Variants in SPAG9 observed in about 807,000 individuals in gnomAD.
SPAG9 encodes C-Jun-amino-terminal kinase-interacting protein 4.
Under a neutral mutation model 166.5 loss-of-function variants are expected in SPAG9, and 35 were observed. That is an observed-to-expected ratio of 0.21 (90% CI 0.16 to 0.28). SPAG9 has a LOEUF of 0.28. SPAG9 is among the 10% of genes least tolerant of loss of function. The pLI, the probability that SPAG9 is intolerant of heterozygous loss-of-function variation, is 1.00. For missense variants in SPAG9, 1,235 were observed against 1,603.3 expected, an observed-to-expected ratio of 0.77 and a Z score of 3.92; for synonymous variants, 534 against 565.5, an observed-to-expected ratio of 0.94 and a Z score of 0.79.
chr17:51,014,179 T>C, intron 9 of SPAG9, 53 bp downstream of exon 9: 1 of 1,522,046 alleles, frequency 6.6e-7, no homozygotes, highest in Non-Finnish European at 8.9e-7. Context: ...TTAAATCATT[T>C]AAAAAATCAA....
At chr17:51,021,899 C>A (rs1302229438) in intron 6 of SPAG9, among the ~76,000 whole-genome samples, 1 of 151,912 alleles carries the variant, frequency 6.6e-6, no homozygotes, top group African/African-American at 2.4e-5. Flanking sequence ...CCGAGGCAGG[C>A]GGATCACGAG....
At chr17:50,971,459 CTTTTTTTTTTT>C (rs71353691) in intron 28 of SPAG9, among the ~76,000 whole-genome samples, 2 of 89,872 alleles carry the variant, frequency 2.2e-5, no homozygotes, top group African/African-American at 4.6e-5. Context: ...TTCAAACTAC[CTTTTTTTTTTT>C]TTTTTTTTTT....
At chr17:51,020,322 C>T in intron 7 of SPAG9, 64 bp from the exon 8 acceptor site, 1 of 1,147,060 alleles carries the variant, frequency 8.7e-7, no homozygotes, top group Admixed American at 2.0e-5. Flanking sequence ...TATAAAAATC[C>T]TGTTGTTTTT....
At chr17:51,054,116 C>CTT (rs1157639358) in intron 3 of SPAG9, among the ~76,000 whole-genome samples, 1,099 of 73,932 alleles carry the variant, frequency 0.015, 16 homozygotes, top group East Asian at 0.064. Flanking sequence ...AATGTGAGGG[C>CTT]TTTTTTTTTT....
chr17:51,032,662 G>A (rs541739902), intron 5 of SPAG9, among the ~76,000 whole-genome samples: 2 of 152,140 alleles, frequency 1.3e-5, no homozygotes, highest in Admixed American at 6.5e-5. Context: ...TAGGCCGGCC[G>A]CAGTGGCACA....
chr17:51,054,063 T>C (rs2047285556), intron 3 of SPAG9, among the ~76,000 whole-genome samples: 1 of 147,366 alleles, frequency 6.8e-6, no homozygotes, highest in African/African-American at 2.5e-5. Flanking sequence ...TAAATCTTAA[T>C]ATCCACTAAA....
chr17:51,096,039 ATATATATATATAG>A (rs1157445965), intron 1 of SPAG9, among the ~76,000 whole-genome samples: 3 of 69,462 alleles, frequency 4.3e-5, no homozygotes, highest in African/African-American at 9.9e-5. Context: ...ATATATAGTG[ATATATATATATAG>A]TGATATATAT....
intron 8 of SPAG9, among the ~76,000 whole-genome samples, chr17:51,017,664 A>T (rs1486614241): frequency 6.6e-6 from 1 of 152,214 alleles, no homozygotes. Flanking sequence ...GGATAAAAAG[A>T]TCTACCTCAT....
At chr17:51,079,999 A>T (rs1156299669) in intron 1 of SPAG9, among the ~76,000 whole-genome samples, 4 of 152,216 alleles carry the variant, frequency 2.6e-5, no homozygotes, top group Non-Finnish European at 2.9e-5. Flanking sequence ...ATGCATCTTG[A>T]CTTCCAGACA....
intron 16 of SPAG9, chr17:50,995,786 C>G (rs1350515594): frequency 2.6e-6 from 1 of 379,120 alleles, no homozygotes; most frequent in Non-Finnish European, 4.7e-6. Flanking sequence ...ACCTCAGCCT[C>G]CAAGGTAGCT....
At chr17:50,974,970 CA>C in intron 27 of SPAG9, 23 bp from the exon 28 acceptor site, 1 of 1,604,064 alleles carries the variant, frequency 6.2e-7, no homozygotes, top group African/African-American at 1.3e-5. Flanking sequence ...AACCAAATAC[CA>C]AATATTTTCC....
chr17:51,074,096 C>T (rs1052879391), intron 2 of SPAG9, among the ~76,000 whole-genome samples: 5 of 152,106 alleles, frequency 3.3e-5, no homozygotes, highest in Non-Finnish European at 7.4e-5. Context: ...ATAAGCCGGG[C>T]GTGGTGGCGG....
rs71353691 is a variant in SPAG9 at position 50,971,459 on chromosome 17, C to CTT, written c.3701-605_3701-604dup. On this transcript the variant is annotated intron_variant, in intron 28 of 29. Transcript: ENST00000262013. ...GTCTTAGCTGCCTGCTTCAAACTAC[C>CTT]TTTTTTTTTTTTTTTTTTTTTTTTT... Among the ~76,000 whole-genome samples the CTT allele has an allele frequency of 2.2e-3, 200 of 89,906 alleles. 5 individuals are homozygous for CTT. The highest frequency in any genetic ancestry group is 3.3e-3 in the African/African-American group (73 of 21,836). The allele number at this position is 89,906 out of a possible 152,430, so 59.0% of individuals were successfully genotyped here. A position where few individuals can be genotyped will look rare whatever the true frequency, so the allele number is the denominator to read the frequency against.
Position 51,041,644 on chromosome 17 carries a change from G to T in SPAG9, c.598C>A (p.Arg200Ser). The change falls in exon 5 of 30, where the codon CGC becomes AGC. Residue 200 changes from arginine (R) to serine (S), a missense_variant. Transcript: ENST00000262013. ...GGGAAAATTCCTAATGATATAGGGCGTTCTTTTCTATTTGAAGAGGGGAGA... is the reference window on the plus strand; with the variant it reads ...GGGAAAATTCCTAATGATATAGGGCTTTCTTTTCTATTTGAAGAGGGGAGA... The part of the protein sequence containing the change: ...STAHSRIRKE[R>S]PISLGIFPLP... 6.2e-7 allele frequency: 1 copy of T among 1,608,850 alleles called. No individual in the cohort carries two copies. The highest frequency in any genetic ancestry group is 8.5e-7 in the Non-Finnish European group (1 of 1,178,458).
chr17:50,991,570 C>T (rs1408261081), intron 19 of SPAG9, among the ~76,000 whole-genome samples: 2 of 151,596 alleles, frequency 1.3e-5, no homozygotes, highest in African/African-American at 4.8e-5. Context: ...AATTCAGTGG[C>T]ACTAATATTT....
chr17:51,033,280 T>C (rs1214147063), intron 5 of SPAG9, among the ~76,000 whole-genome samples: 2 of 120,672 alleles, frequency 1.7e-5, no homozygotes, highest in South Asian at 2.5e-4. Context: ...TATATAAAAG[T>C]AGAAAGATTG....
rs751070712 is a variant in SPAG9, at chr17:50,979,878, G to T, written c.3277C>A (p.Arg1093=). The part of the protein sequence containing the change: ...DAHPRKESQV[R]QLAWVGDGVW... ...CCATCCCCCACCCACGCAAGCTGTCGCACTTGGCTCTCCTTCCTGGGATGT... is the reference window on the plus strand; with the variant it reads ...CCATCCCCCACCCACGCAAGCTGTCTCACTTGGCTCTCCTTCCTGGGATGT... Residue 1093 remains arginine, a synonymous_variant, in exon 26 of 30, where the codon CGA becomes AGA. Coordinates refer to ENST00000262013, the MANE Select transcript of SPAG9 (RefSeq NM_001130528.3). 6.2e-6 allele frequency: 10 copies of T among 1,614,010 alleles called. No individual in the cohort carries two copies. The highest frequency in any genetic ancestry group is 3.4e-6 in the Non-Finnish European group (4 of 1,179,996).
intron 23 of SPAG9, 116 bp downstream of exon 23, chr17:50,985,582 A>T: frequency 1.6e-6 from 1 of 609,824 alleles, no homozygotes; most frequent in South Asian, 2.1e-5. Context: ...TTAAAAAAAC[A>T]AACAAATTGG....
chr17:51,020,381 G>A, intron 7 of SPAG9, 123 bp from the exon 8 acceptor site: 1 of 622,760 alleles, frequency 1.6e-6, no homozygotes. Context: ...GTGCAAGACT[G>A]GATTTTAGGA....
Sources: gnomAD v4.1 joint callset for allele counts (sites outside exome capture counted in the v4.1 genomes callset) on GRCh38, gnomAD v4.1.1 for gene constraint, MANE v1.5 for transcripts, NCBI Gene and HGNC (gene_info 2026-07-23, HGNC 2026-07-21) for gene names.